Variants in VTI1A observed in about 807,000 individuals in gnomAD.
VTI1A encodes vesicle transport through interaction with t-SNAREs 1A.
In VTI1A, 22 loss-of-function variants were observed where a neutral mutation model predicts 34.9. The observed-to-expected ratio is 0.63, with a 90% CI of 0.45 to 0.90. The LOEUF is 0.90. VTI1A is among the 40% of genes least tolerant of loss of function. The probability of loss-of-function intolerance (pLI) is 0.00; values close to 1 mark genes in which losing one functional copy is unlikely to be tolerated. For missense variants in VTI1A, 268 were observed against 275.6 expected (o/e 0.97, Z 0.20); for synonymous variants, 87 against 97.3 (o/e 0.89, Z 0.62).
At chr10:112,798,665 C>T (rs952600504) in intron 7 of VTI1A, among the ~76,000 whole-genome samples, 2 of 152,182 alleles carry the variant, frequency 1.3e-5, no homozygotes, top group East Asian at 3.9e-4. Flanking sequence ...TCCACAAATA[C>T]GGTTCTTGGT....
chr10:112,523,854 A>T (rs1850119099), intron 3 of VTI1A, among the ~76,000 whole-genome samples: 1 of 152,134 alleles, frequency 6.6e-6, no homozygotes, highest in East Asian at 1.9e-4. Context: ...TGAATGTGTG[A>T]CATTTCCAGC....
chr10:112,818,240 C>T lies in VTI1A; in HGVS notation c.*2857C>T, dbSNP rs963444965. The T allele has an allele frequency of 4.3e-6, 1 of 233,318 alleles. No individual in the cohort carries two copies. The allele number at this position is 233,318 out of a possible 1,614,324, so 14.5% of individuals were successfully genotyped here. Reference sequence around the variant, plus strand: ...CAAAATTGTGCGGCTCTGGCCATCCCATGCGGGGCAAGCCCATTGAGGGTT... The same window carrying T: ...CAAAATTGTGCGGCTCTGGCCATCCTATGCGGGGCAAGCCCATTGAGGGTT... On this transcript the variant is annotated 3_prime_UTR_variant, in exon 8 of 8. Transcript: ENST00000393077.
chr10:112,775,776 T>G (rs538676303), intron 7 of VTI1A, among the ~76,000 whole-genome samples: 1 of 152,142 alleles, frequency 6.6e-6, no homozygotes, highest in Non-Finnish European at 1.5e-5. Flanking sequence ...AAGAAAGAAA[T>G]AATTGCCATA....
chr10:112,484,790 A>T (rs1848563283), intron 3 of VTI1A, among the ~76,000 whole-genome samples: 1 of 151,630 alleles, frequency 6.6e-6, no homozygotes, highest in South Asian at 2.1e-4. Context: ...TTTAGGAGAA[A>T]CATCTATAAT....
the VTI1A span, among the ~76,000 whole-genome samples, chr10:112,833,749 A>G: frequency 1.3e-5 from 2 of 152,246 alleles, no homozygotes; most frequent in South Asian, 2.1e-4. Context: ...TTGGGGCATC[A>G]AAGTGCTGGG....
chr10:112,491,208 C>A (rs1848809026), intron 3 of VTI1A, among the ~76,000 whole-genome samples: 1 of 152,130 alleles, frequency 6.6e-6, no homozygotes, highest in East Asian at 1.9e-4. Flanking sequence ...ATTTCAGTAC[C>A]AGTTGATTAA....
At chr10:112,721,356 AAT>A (rs1849801951) in intron 7 of VTI1A, among the ~76,000 whole-genome samples, 1 of 152,246 alleles carries the variant, frequency 6.6e-6, no homozygotes, top group African/African-American at 2.4e-5. Context: ...TCAGAAGTAG[AAT>A]ATATGGTTCT....
chr10:112,601,376 G>A (rs1190275844), intron 5 of VTI1A, among the ~76,000 whole-genome samples: 2 of 150,844 alleles, frequency 1.3e-5, no homozygotes, highest in Non-Finnish European at 2.9e-5. Flanking sequence ...AAACAATTTT[G>A]CTAATATTAA....
At chr10:112,696,859 C>A (rs1280363128) in intron 7 of VTI1A, among the ~76,000 whole-genome samples, 1 of 152,112 alleles carries the variant, frequency 6.6e-6, no homozygotes, top group African/African-American at 2.4e-5. Context: ...CACAAGTGAA[C>A]AGGAAAAGAG....
At chr10:112,796,506 T>A (rs1439041403) in intron 7 of VTI1A, among the ~76,000 whole-genome samples, 15 of 151,930 alleles carry the variant, frequency 9.9e-5, no homozygotes, top group Non-Finnish European at 4.4e-5. Context: ...CCCAACCCAC[T>A]GATCTCGTGG....
intron 5 of VTI1A, among the ~76,000 whole-genome samples, chr10:112,651,355 GGC>G (rs1364121795): frequency 1.3e-5 from 2 of 152,170 alleles, no homozygotes; most frequent in Non-Finnish European, 2.9e-5. Context: ...TTGTTGCCCA[GGC>G]TGGAGTGCAG....
intron 5 of VTI1A, among the ~76,000 whole-genome samples, chr10:112,546,034 ATGTGTGTGTATATACGTGTATACGCG>A (rs1851091501): frequency 4.2e-5 from 6 of 143,436 alleles, no homozygotes; most frequent in Admixed American, 2.7e-4. Context: ...GTATACGCGT[ATGTGTGTGTATATACGTGTATACGCG>A]TATGTGTGTG....
chr10:112,471,702 C>T (rs1458168790), intron 3 of VTI1A, among the ~76,000 whole-genome samples: 1 of 151,782 alleles, frequency 6.6e-6, no homozygotes, highest in African/African-American at 2.4e-5. Flanking sequence ...ATTAGAATTC[C>T]TGTAAGCTGT....
chr10:112,506,781 C>A lies in VTI1A; in HGVS notation c.265-20306C>A, dbSNP rs558021769. Among the ~76,000 whole-genome samples, 107 of 152,254 alleles carry A rather than the reference C, an allele frequency of 7.0e-4. 2 individuals carry two copies. In the South Asian group the frequency reaches 0.014, roughly 19 times the overall value. On this transcript the variant is annotated intron_variant, in intron 3 of 7. Transcript: ENST00000393077. ...AGAACTGGTTTCAGCATTTCTAGTA[C>A]CTCTGGGTAGTTCTGTAGGAGGTAA...
At chr10:112,731,984 A>T (rs182600557) in intron 7 of VTI1A, among the ~76,000 whole-genome samples, 8 of 152,306 alleles carry the variant, frequency 5.3e-5, no homozygotes, top group African/African-American at 1.9e-4. Context: ...ATTAGAAATT[A>T]TTTGACAGCA....
chr10:112,836,786 A>G, the VTI1A span, among the ~76,000 whole-genome samples: 1 of 152,174 alleles, frequency 6.6e-6, no homozygotes, highest in East Asian at 1.9e-4. Context: ...TTTCAGGCCC[A>G]TCTGTGAACT....
Position 112,447,322 on chromosome 10 carries a change from G to T in VTI1A, c.-52G>T, listed in dbSNP as rs1846879220. ...CGCGGGGCCCCTCGCTGCCCCTCGA[G>T]GCCCTTTCCCTGACCTAGGCTTTGG... On this transcript the variant is annotated 5_prime_UTR_variant, in exon 1 of 8. It adds an upstream start codon to the 5' untranslated region. Coordinates refer to ENST00000393077, the MANE Select transcript of VTI1A (RefSeq NM_145206.4). The T allele has an allele frequency of 6.3e-6, 10 of 1,579,662 alleles. No individual in the cohort carries two copies. Among genetic ancestry groups the T allele is most frequent in the Non-Finnish European group, 7.8e-6 (9 of 1,160,458 alleles).
chr10:112,650,923 T>C (rs1846988037), intron 5 of VTI1A, among the ~76,000 whole-genome samples: 1 of 152,248 alleles, frequency 6.6e-6, no homozygotes, highest in South Asian at 2.1e-4. Flanking sequence ...AACCTATGAT[T>C]CATACTATTC....
At chr10:112,746,538 G>T (rs1191139519) in intron 7 of VTI1A, among the ~76,000 whole-genome samples, 1 of 152,192 alleles carries the variant, frequency 6.6e-6, no homozygotes, top group Admixed American at 6.5e-5. Flanking sequence ...GAAGTGTCTT[G>T]CAAGGCCACT....
Sources: gnomAD v4.1 joint callset for allele counts (sites outside exome capture counted in the v4.1 genomes callset) on GRCh38, gnomAD v4.1.1 for gene constraint, MANE v1.5 for transcripts, NCBI Gene and HGNC (gene_info 2026-07-23, HGNC 2026-07-21) for gene names.